Variants in KIRREL3 observed in about 807,000 individuals in gnomAD.
KIRREL3 encodes the protein kin of IRRE-like protein 3.
A neutral mutation model predicts 89.7 loss-of-function variants in KIRREL3; 36 were observed. The ratio of observed to expected loss-of-function variants is 0.40; its 90% CI spans 0.31 to 0.53. The LOEUF is 0.53. KIRREL3 is among the 20% of genes least tolerant of loss of function. The pLI is 0.49. For synonymous variants in KIRREL3, 445 were observed against 441.4 expected (o/e 1.01, Z -0.10); for missense variants, 864 against 1,056.6 (o/e 0.82, Z 2.53).
rs1262282670 is a variant in KIRREL3, at chr11:126,485,705, G to A, written c.434-12239C>T. Among the ~76,000 whole-genome samples the A allele has an allele frequency of 6.6e-6, 1 of 152,226 alleles. No homozygotes were observed. Among genetic ancestry groups the A allele is most frequent in the South Asian group, 2.1e-4 (1 of 4,832 alleles). Reference sequence around the variant, plus strand: ...CAGAGTAGCATATTGCATGTGAAATGGGCTTGTTTCCACCTCTTGTTCTGC... The same window carrying A: ...CAGAGTAGCATATTGCATGTGAAATAGGCTTGTTTCCACCTCTTGTTCTGC... On this transcript the variant is annotated intron_variant, in intron 4 of 16. Coordinates refer to ENST00000525144, the MANE Select transcript of KIRREL3 (RefSeq NM_032531.4). This position sits in a 1 kb window ranked among gnomAD's most constrained non-coding sequence, Gnocchi z 5.8.
rs190890236 is a variant in KIRREL3, at chr11:126,635,796, A to G, written c.56-72884T>C. Among the ~76,000 whole-genome samples, 1 of 152,368 alleles carries G rather than the reference A, an allele frequency of 6.6e-6. No individual in the cohort carries two copies. The highest frequency in any genetic ancestry group is 2.4e-5 in the African/African-American group (1 of 41,584). ...GTGGTAATCTGAAGAGGCGATTGGTATAAAAATACCAGGTAAAAGGCAGAG... is the reference window on the plus strand; with the variant it reads ...GTGGTAATCTGAAGAGGCGATTGGTGTAAAAATACCAGGTAAAAGGCAGAG... On this transcript the variant is annotated intron_variant, in intron 1 of 16. Coordinates refer to ENST00000525144, the MANE Select transcript of KIRREL3 (RefSeq NM_032531.4). This position sits in a 1 kb window ranked among gnomAD's most constrained non-coding sequence, Gnocchi z 4.0.
rs551015406 is a variant in KIRREL3 at position 126,575,777 on chromosome 11, C to T, written c.56-12865G>A. On this transcript the variant is annotated intron_variant, in intron 1 of 16. Coordinates refer to ENST00000525144, the MANE Select transcript of KIRREL3 (RefSeq NM_032531.4). The surrounding 1 kb of genome is among the most constrained non-coding windows in gnomAD (Gnocchi z 7.0). ...CTGTTCCTTCTATCAGGGATTCTCA[C>T]ACCCCTCTCAAGCATCACATTTCAT... 1.3e-5 allele frequency among the ~76,000 whole-genome samples: 2 copies of T among 152,270 alleles called. No homozygotes were observed. Among genetic ancestry groups the T allele is most frequent in the South Asian group, 2.1e-4 (1 of 4,820 alleles).
Position 126,596,501 on chromosome 11 carries a change from G to C in KIRREL3, c.56-33589C>G, listed in dbSNP as rs908108682. 9.2e-5 allele frequency among the ~76,000 whole-genome samples: 14 copies of C among 152,354 alleles called. No homozygotes were observed. In the South Asian group the frequency reaches 2.9e-3, roughly 32 times the overall value. ...CTCTGTCCCTTCTGAAGGGGGGAAG[G>C]TAGGAATGTGATGACCTCGGCCCCA... On this transcript the variant is annotated intron_variant, in intron 1 of 16. Transcript: ENST00000525144.
chr11:126,766,066 A>G lies in KIRREL3; in HGVS notation c.56-203154T>C, dbSNP rs913325436. 1.3e-5 allele frequency among the ~76,000 whole-genome samples: 2 copies of G among 151,860 alleles called. No individual in the cohort carries two copies. The highest frequency in any genetic ancestry group is 2.9e-5 in the Non-Finnish European group (2 of 67,958). On this transcript the variant is annotated intron_variant, in intron 1 of 16. Coordinates refer to ENST00000525144, the MANE Select transcript of KIRREL3 (RefSeq NM_032531.4). The surrounding 1 kb of genome is among the most constrained non-coding windows in gnomAD (Gnocchi z 4.2). ...CTTTGCCGTTTACTTCCAAATTCCC[A>G]TAACTCACTGCTTTTGCCAGCCCTC... is the stretch of plus-strand genomic sequence containing the variant.
intron 1 of KIRREL3, among the ~76,000 whole-genome samples, chr11:126,804,595 G>A (rs2134404003): frequency 6.6e-6 from 1 of 152,294 alleles, no homozygotes; most frequent in South Asian, 2.1e-4. Flanking sequence ...TGGTTGGGGA[G>A]GAGGAGGAAG....
chr11:126,998,792 G>A (rs964067862), intron 1 of KIRREL3, among the ~76,000 whole-genome samples: 3 of 152,170 alleles, frequency 2.0e-5, no homozygotes, highest in African/African-American at 7.2e-5. Flanking sequence ...ATTAAAGCAT[G>A]CACTGGTCCC....
At chr11:126,785,121 C>T (rs1021571939) in intron 1 of KIRREL3, among the ~76,000 whole-genome samples, 1 of 151,972 alleles carries the variant, frequency 6.6e-6, no homozygotes, top group Non-Finnish European at 1.5e-5. Context: ...ACTGAATCCT[C>T]GTGGGGGCAA....
intron 1 of KIRREL3, among the ~76,000 whole-genome samples, chr11:126,861,672 C>T (rs1341857154): frequency 6.6e-6 from 1 of 152,184 alleles, no homozygotes; most frequent in Admixed American, 6.5e-5. Context: ...TGTAAAAGCC[C>T]TTTGTAAATT....
At chr11:126,725,431 A>G (rs1206330237) in intron 1 of KIRREL3, among the ~76,000 whole-genome samples, 1 of 152,260 alleles carries the variant, frequency 6.6e-6, no homozygotes, top group Admixed American at 6.5e-5. Flanking sequence ...TGGTTTGGAA[A>G]TGGTGCTAAC....
At position 126,627,376 on chromosome 11, in the gene KIRREL3, C is replaced by T. The variant is rs1233619838; in HGVS notation, c.56-64464G>A. ...TGACCTGGTCTGTGTTCCTATAGGC[C>T]GCCCTTTAGGCAAACCTTATTGCTT... On this transcript the variant is annotated intron_variant, in intron 1 of 16. Transcript: ENST00000525144. The surrounding 1 kb of genome is among the most constrained non-coding windows in gnomAD (Gnocchi z 5.0). Among the ~76,000 whole-genome samples the T allele has an allele frequency of 3.9e-5, 6 of 152,252 alleles. No homozygotes were observed. In the East Asian group the frequency reaches 5.8e-4, roughly 15 times the overall value.
chr11:126,923,223 T>C (rs1232228130), intron 1 of KIRREL3, among the ~76,000 whole-genome samples: 1 of 34,504 alleles, frequency 2.9e-5, no homozygotes, highest in Non-Finnish European at 5.9e-5. Flanking sequence ...CTTCTTCTTC[T>C]TCTTCTTCTT....
chr11:126,472,827 A>G (rs1340958611), intron 5 of KIRREL3, among the ~76,000 whole-genome samples: 1 of 151,862 alleles, frequency 6.6e-6, no homozygotes, highest in Admixed American at 6.6e-5. Context: ...GAGCAAAAAA[A>G]GATACAAGGA....
At chr11:126,457,138 A>T (rs1028994508) in intron 6 of KIRREL3, among the ~76,000 whole-genome samples, 7 of 151,696 alleles carry the variant, frequency 4.6e-5, no homozygotes, top group Admixed American at 3.9e-4. Flanking sequence ...CGACAGCGAG[A>T]CATGTACATA....
chr11:126,771,297 G>A lies in KIRREL3; in HGVS notation c.56-208385C>T, dbSNP rs189237905. On this transcript the variant is annotated intron_variant, in intron 1 of 16. Coordinates refer to ENST00000525144, the MANE Select transcript of KIRREL3 (RefSeq NM_032531.4). This position sits in a 1 kb window ranked among gnomAD's most constrained non-coding sequence, Gnocchi z 4.4. ...GATGAGGAAACCGAGGCTTAGAGTG[G>A]TTAAATGACCTGCTTGAGTCCAGTT... Among the ~76,000 whole-genome samples, 10 of 152,074 alleles carry A rather than the reference G, an allele frequency of 6.6e-5. No homozygotes were observed. Among genetic ancestry groups the A allele is most frequent in the African/African-American group, 2.4e-4 (10 of 41,484 alleles).
chr11:126,903,602 T>C lies in KIRREL3; in HGVS notation c.55+96853A>G, dbSNP rs979649739. ...TTACTACCCATAACCCTGGCCTAAG[T>C]GGAAACAAAAAAGCTGTAGCCTCTT... On this transcript the variant is annotated intron_variant, in intron 1 of 16. Coordinates refer to ENST00000525144, the MANE Select transcript of KIRREL3 (RefSeq NM_032531.4). The surrounding 1 kb of genome is among the most constrained non-coding windows in gnomAD (Gnocchi z 4.5). Among the ~76,000 whole-genome samples, 1 of 152,248 alleles carries C rather than the reference T, an allele frequency of 6.6e-6. No individual in the cohort carries two copies. Among genetic ancestry groups the C allele is most frequent in the African/African-American group, 2.4e-5 (1 of 41,550 alleles).
chr11:126,685,897 C>T lies in KIRREL3; in HGVS notation c.56-122985G>A, dbSNP rs562459086. On this transcript the variant is annotated intron_variant, in intron 1 of 16. Coordinates refer to ENST00000525144, the MANE Select transcript of KIRREL3 (RefSeq NM_032531.4). This position sits in a 1 kb window ranked among gnomAD's most constrained non-coding sequence, Gnocchi z 5.5. ...TTTTTCCCTCATGCTGGGCTCTTCA[C>T]GTGGCATCCTGTGCCTGCTCAATGC... 5.9e-5 allele frequency among the ~76,000 whole-genome samples: 9 copies of T among 152,344 alleles called. No individual in the cohort carries two copies. The highest frequency in any genetic ancestry group is 3.3e-4 in the Admixed American group (5 of 15,312).
At chr11:126,789,360 C>T (rs1411561357) in intron 1 of KIRREL3, among the ~76,000 whole-genome samples, 2 of 152,160 alleles carry the variant, frequency 1.3e-5, no homozygotes, top group Non-Finnish European at 2.9e-5. Context: ...CTTCCCTGGA[C>T]CATTCCCACA....
intron 1 of KIRREL3, among the ~76,000 whole-genome samples, chr11:126,836,145 G>A (rs1186473873): frequency 1.3e-5 from 2 of 152,118 alleles, no homozygotes; most frequent in African/African-American, 2.4e-5. Context: ...AAACCTTAAC[G>A]GTGCAAACAA....
intron 1 of KIRREL3, among the ~76,000 whole-genome samples, chr11:126,701,885 C>T (rs1947326705): frequency 6.6e-6 from 1 of 152,124 alleles, no homozygotes; most frequent in African/African-American, 2.4e-5. Flanking sequence ...TAGGGAGTAC[C>T]TAAAAGGTTC....
Sources: allele counts gnomAD v4.1 joint callset (sites outside exome capture counted in the v4.1 genomes callset), GRCh38; gene constraint gnomAD v4.1.1; non-coding constraint Gnocchi (gnomAD v3.1); transcripts MANE v1.5; gene names NCBI Gene and HGNC (gene_info 2026-07-23, HGNC 2026-07-21).